The following VWC2 variants were observed in gnomAD, a reference collection of about 807,000 sequenced individuals.
VWC2 encodes the protein brorin.
VWC2 carries 14 observed loss-of-function variants against 29.8 expected under a neutral mutation model. The ratio of observed to expected loss-of-function variants is 0.47; its 90% CI spans 0.31 to 0.74. The LOEUF (loss-of-function observed/expected upper bound fraction) is 0.74. Among genes scored for constraint, VWC2 ranks in the 30% least tolerant of loss-of-function variants. The probability of loss-of-function intolerance (pLI) is 0.05; values close to 1 mark genes in which losing one functional copy is unlikely to be tolerated. For missense variants in VWC2, 457 were observed against 459.8 expected, an observed-to-expected ratio of 0.99 and a Z score of 0.05; for synonymous variants, 213 against 199.0, an observed-to-expected ratio of 1.07 and a Z score of -0.59.
At chr7:49,879,761 C>T (rs965253986) in intron 3 of VWC2, among the ~76,000 whole-genome samples, 3 of 151,982 alleles carry the variant, frequency 2.0e-5, no homozygotes, top group African/African-American at 7.3e-5. Context: ...TAAATAGGCC[C>T]TTTGCTATCT....
chr7:49,798,419 A>T (rs951983530), intron 2 of VWC2, among the ~76,000 whole-genome samples: 1 of 152,242 alleles, frequency 6.6e-6, no homozygotes, highest in Non-Finnish European at 1.5e-5. Flanking sequence ...TTAAAGCCTC[A>T]TGTCAAAGCT....
At chr7:49,828,153 A>G (rs1789447015) in intron 3 of VWC2, among the ~76,000 whole-genome samples, 1 of 152,128 alleles carries the variant, frequency 6.6e-6, no homozygotes, top group Non-Finnish European at 1.5e-5. Flanking sequence ...TTTTTCACTC[A>G]GCATAATATT....
intron 3 of VWC2, among the ~76,000 whole-genome samples, chr7:49,817,252 G>A (rs1789168749): frequency 6.6e-6 from 1 of 152,164 alleles, no homozygotes; most frequent in African/African-American, 2.4e-5. Context: ...AATATCTCCA[G>A]CCTGTGTCTT....
intron 3 of VWC2, among the ~76,000 whole-genome samples, chr7:49,902,793 A>C (rs1792841491): frequency 6.6e-6 from 1 of 152,078 alleles, no homozygotes; most frequent in African/African-American, 2.4e-5. Context: ...TTGAAATATA[A>C]ATTTTTTCTT....
At chr7:49,875,278 G>A (rs997740163) in intron 3 of VWC2, among the ~76,000 whole-genome samples, 6 of 139,310 alleles carry the variant, frequency 4.3e-5, no homozygotes, top group African/African-American at 1.6e-4. Flanking sequence ...GCTGAGGCAG[G>A]AGAATCGCCT....
At chr7:49,777,802 A>C (rs1788083912) in intron 2 of VWC2, among the ~76,000 whole-genome samples, 1 of 152,134 alleles carries the variant, frequency 6.6e-6, no homozygotes, top group South Asian at 2.1e-4. Flanking sequence ...CAGGTAAAGG[A>C]ACCTGTGGGT....
chr7:49,899,033 A>C (rs890991961), intron 3 of VWC2, among the ~76,000 whole-genome samples: 2 of 152,088 alleles, frequency 1.3e-5, no homozygotes, highest in African/African-American at 4.8e-5. Flanking sequence ...AATGGGCTAT[A>C]TACACCAAGA....
At chr7:49,804,054 G>C (rs1788811063) in intron 3 of VWC2, among the ~76,000 whole-genome samples, 1 of 152,074 alleles carries the variant, frequency 6.6e-6, no homozygotes. Flanking sequence ...ATGTCACAGA[G>C]TGTACTTTAT....
At chr7:49,908,689 G>C (rs979784669) in intron 3 of VWC2, among the ~76,000 whole-genome samples, 7 of 152,014 alleles carry the variant, frequency 4.6e-5, no homozygotes, top group African/African-American at 1.4e-4. Flanking sequence ...AAAAGGAAGA[G>C]AGAAGGTTAA....
chr7:49,858,704 A>G (rs1008751364), intron 3 of VWC2, among the ~76,000 whole-genome samples: 21 of 150,098 alleles, frequency 1.4e-4, no homozygotes, highest in African/African-American at 5.3e-4. Flanking sequence ...AAGTATAATA[A>G]TAATAAAAAA....
At chr7:49,859,784 GTGCGTGCACACA>G (rs1314486050) in intron 3 of VWC2, among the ~76,000 whole-genome samples, 2 of 71,482 alleles carry the variant, frequency 2.8e-5, no homozygotes, top group Non-Finnish European at 5.6e-5. Context: ...TACAGTGCGC[GTGCGTGCACACA>G]CACACACACA....
intron 3 of VWC2, among the ~76,000 whole-genome samples, chr7:49,833,958 A>C (rs1719640556): frequency 6.6e-6 from 1 of 152,248 alleles, no homozygotes; most frequent in Admixed American, 6.5e-5. Context: ...CAACCAAAGC[A>C]GATAAAGTTT....
chr7:49,870,295 G>A (rs2626346), intron 3 of VWC2, among the ~76,000 whole-genome samples: 8,217 of 152,222 alleles, frequency 0.054, 734 homozygotes, highest in African/African-American at 0.19. Flanking sequence ...AGCTACTCGG[G>A]AGGCTGAGGC....
intron 2 of VWC2, among the ~76,000 whole-genome samples, chr7:49,790,884 C>T (rs1314580185): frequency 6.6e-6 from 1 of 152,008 alleles, no homozygotes; most frequent in Non-Finnish European, 1.5e-5. Context: ...AGGAAGACAT[C>T]ATTTTCCAGG....
intron 3 of VWC2, among the ~76,000 whole-genome samples, chr7:49,819,299 A>C (rs1353828931): frequency 6.6e-6 from 1 of 152,196 alleles, no homozygotes; most frequent in Admixed American, 6.5e-5. Context: ...CCTGCTTCAC[A>C]AGGTCTCAGC....
chr7:49,844,393 G>A (rs1005692176), intron 3 of VWC2, among the ~76,000 whole-genome samples: 3 of 152,184 alleles, frequency 2.0e-5, no homozygotes, highest in African/African-American at 7.2e-5. Context: ...CTGTCAGAAC[G>A]ATCGGCTTTG....
intron 3 of VWC2, among the ~76,000 whole-genome samples, chr7:49,805,086 A>T (rs1376774528): frequency 6.6e-6 from 1 of 152,230 alleles, no homozygotes; most frequent in Non-Finnish European, 1.5e-5. Flanking sequence ...TTTTTCATTT[A>T]AGATATAGTT....
intron 3 of VWC2, among the ~76,000 whole-genome samples, chr7:49,853,450 T>C (rs1333636555): frequency 6.6e-6 from 1 of 152,166 alleles, no homozygotes; most frequent in Non-Finnish European, 1.5e-5. Context: ...TCGGGGCATA[T>C]TAGGGACCCA....
chr7:49,899,954 GAAAT>G (rs1416235924), intron 3 of VWC2, among the ~76,000 whole-genome samples: 3 of 151,770 alleles, frequency 2.0e-5, no homozygotes, highest in Non-Finnish European at 4.4e-5. Context: ...TTGAAAAATG[GAAAT>G]CATACAATAG....
Sources: allele counts gnomAD v4.1 joint callset (sites outside exome capture counted in the v4.1 genomes callset), GRCh38; gene constraint gnomAD v4.1.1; transcripts MANE v1.5; gene names NCBI Gene and HGNC (gene_info 2026-07-23, HGNC 2026-07-21).